The following TENT5D variants were observed in gnomAD, a reference collection of about 807,000 sequenced individuals.
TENT5D encodes the protein cancer/testis antigen 112.
For missense variants in TENT5D, 191 were observed against 287.0 expected (o/e 0.67, Z 2.42); for synonymous variants, 103 against 100.6 (o/e 1.02, Z -0.15).
intron 3 of TENT5D, among the ~76,000 whole-genome samples, chrX:80,365,647 C>G (rs1296825507): frequency 9.1e-6 from 1 of 110,330 alleles, no homozygotes; most frequent in Non-Finnish European, 1.9e-5. Flanking sequence ...TCGAGACCAG[C>G]CTGGCCCACA....
chrX:80,357,048 G>T (rs1930299069), intron 3 of TENT5D, among the ~76,000 whole-genome samples: 1 of 111,384 alleles, frequency 9.0e-6, no homozygotes, highest in African/African-American at 3.3e-5. Context: ...TGCTGAGAAT[G>T]ATGGTTTCCA....
chrX:80,398,996 A>G (rs1202553760), intron 3 of TENT5D, among the ~76,000 whole-genome samples: 1 of 112,021 alleles, frequency 8.9e-6, no homozygotes, highest in African/African-American at 3.2e-5. Context: ...AGTTCCTTAT[A>G]TATTTTGGAC....
chrX:80,431,179 G>A (rs958072342), intron 1 of TENT5D, among the ~76,000 whole-genome samples: 4 of 111,827 alleles, frequency 3.6e-5, no homozygotes, highest in African/African-American at 6.5e-5. Flanking sequence ...TTCCTTTGAT[G>A]GGGACAGTAC....
At chrX:80,403,766 T>C (rs776888348) in intron 3 of TENT5D, among the ~76,000 whole-genome samples, 1 of 111,821 alleles carries the variant, frequency 8.9e-6, no homozygotes, top group African/African-American at 3.2e-5. Context: ...AATTTGTAGA[T>C]TGCTTTGGGT....
At chrX:80,391,611 A>G (rs1156935470) in intron 3 of TENT5D, among the ~76,000 whole-genome samples, 1 of 112,217 alleles carries the variant, frequency 8.9e-6, no homozygotes, top group African/African-American at 3.2e-5. Flanking sequence ...GGAATCTGCT[A>G]TGATAATAAA....
intron 3 of TENT5D, among the ~76,000 whole-genome samples, chrX:80,351,456 G>A (rs960532572): frequency 6.5e-5 from 7 of 107,097 alleles, no homozygotes; most frequent in African/African-American, 2.0e-4. Flanking sequence ...TGATACTTGT[G>A]TATGCTTCAC....
At chrX:80,381,384 C>T (rs1930863209) in intron 3 of TENT5D, among the ~76,000 whole-genome samples, 1 of 111,547 alleles carries the variant, frequency 9.0e-6, no homozygotes, top group African/African-American at 3.3e-5. Flanking sequence ...CTCTTGCTGC[C>T]CTTAACATTT....
At chrX:80,386,470 G>T (rs1931011134) in intron 3 of TENT5D, among the ~76,000 whole-genome samples, 1 of 110,766 alleles carries the variant, frequency 9.0e-6, no homozygotes, top group Admixed American at 9.6e-5. Flanking sequence ...CCGAGTTAAT[G>T]GGTGCAGCAC....
At chrX:80,380,461 G>T (rs1037690846) in intron 3 of TENT5D, among the ~76,000 whole-genome samples, 4 of 111,240 alleles carry the variant, frequency 3.6e-5, no homozygotes, top group African/African-American at 1.3e-4. Flanking sequence ...GAGTTCTGTA[G>T]ATGTCTATTA....
chrX:80,417,128 T>C (rs1318130549), upstream of TENT5D, among the ~76,000 whole-genome samples: 2 of 7,324 alleles, frequency 2.7e-4, no homozygotes, highest in Admixed American at 5.1e-3. Context: ...CAATCCCTGC[T>C]TTTTTTTTCT....
intron 3 of TENT5D, among the ~76,000 whole-genome samples, chrX:80,397,940 C>T (rs754272980): frequency 2.7e-5 from 3 of 109,772 alleles, no homozygotes; most frequent in East Asian, 2.9e-4. Context: ...AGACGGAGAC[C>T]GTGGGAGAGG....
In TENT5D at chrX:80,439,155, G is replaced by A. The variant is rs770396743; in HGVS notation, c.-19+423G>A. ...CTGCTGATCTCCACATTTTGAAAAC[G>A]ATAATTAGAAATTTCATGTTTTGTG... On this transcript the variant is annotated intron_variant, in intron 2 of 2. Transcript: ENST00000308293. Among the ~76,000 whole-genome samples, 24 of 111,591 alleles carry A rather than the reference G, an allele frequency of 2.2e-4. No individual in the cohort carries two copies. In the South Asian group the frequency reaches 7.8e-3, roughly 36 times the overall value.
chrX:80,432,650 G>C (rs1373648292), intron 1 of TENT5D, among the ~76,000 whole-genome samples: 1 of 111,843 alleles, frequency 8.9e-6, no homozygotes, highest in Non-Finnish European at 1.9e-5. Flanking sequence ...ATTTTTGCCA[G>C]TGCACCAAAA....
At chrX:80,386,194 C>A (rs12395998) in intron 3 of TENT5D, among the ~76,000 whole-genome samples, 1 of 112,188 alleles carries the variant, frequency 8.9e-6, no homozygotes, top group South Asian at 3.7e-4. Flanking sequence ...CAATGATAGA[C>A]TGGATTAAGA....
intron 2 of TENT5D, among the ~76,000 whole-genome samples, chrX:80,439,403 C>T (rs1358506461): frequency 1.8e-5 from 2 of 111,163 alleles, no homozygotes; most frequent in African/African-American, 3.3e-5. Context: ...TTTAGCCATA[C>T]TTTTTGCTTC....
intron 3 of TENT5D, among the ~76,000 whole-genome samples, chrX:80,410,039 T>G (rs1931611400): frequency 9.5e-6 from 1 of 105,029 alleles, no homozygotes; most frequent in South Asian, 4.5e-4. Flanking sequence ...TGGCTAGCCA[T>G]ATGTAGAAAG....
chrX:80,434,749 T>G (rs1932150889), intron 1 of TENT5D, among the ~76,000 whole-genome samples: 2 of 110,120 alleles, frequency 1.8e-5, no homozygotes, highest in Admixed American at 1.9e-4. Context: ...GAACAGTTAT[T>G]GAGAACTCTC....
chrX:80,372,532 C>T (rs1358584907), intron 3 of TENT5D, among the ~76,000 whole-genome samples: 1 of 110,687 alleles, frequency 9.0e-6, no homozygotes, highest in Non-Finnish European at 1.9e-5. Context: ...GAGATCTCGT[C>T]TCGTGGGATG....
intron 3 of TENT5D, among the ~76,000 whole-genome samples, chrX:80,395,349 A>G (rs911392179): frequency 2.5e-4 from 28 of 112,231 alleles, no homozygotes; most frequent in African/African-American, 8.4e-4. Context: ...TCTCTTTGAC[A>G]TATTGATTTC....
Sources: allele counts gnomAD v4.1 joint callset (sites outside exome capture counted in the v4.1 genomes callset), GRCh38; gene constraint gnomAD v4.1.1; transcripts MANE v1.5; gene names NCBI Gene and HGNC (gene_info 2026-07-23, HGNC 2026-07-21).